The following PTPRD variants were observed in gnomAD, a reference collection of about 807,000 sequenced individuals.
PTPRD encodes receptor-type tyrosine-protein phosphatase delta.
PTPRD carries 34 observed loss-of-function variants against 214.5 expected under a neutral mutation model. The ratio of observed to expected loss-of-function variants is 0.16; its 90% CI spans 0.12 to 0.21. The LOEUF (loss-of-function observed/expected upper bound fraction) is 0.21, where lower values mean the gene tolerates loss of function less well. Ranked by LOEUF, PTPRD falls within the 10% of genes least tolerant of loss-of-function variation. PTPRD has a pLI of 1.00. For synonymous variants in PTPRD, 1,128 were observed against 845.7 expected (o/e 1.33, Z -5.79); for missense variants, 2,545 against 2,398.7 (o/e 1.06, Z -1.27).
intron 33 of PTPRD, among the ~76,000 whole-genome samples, chr9:8,453,356 T>G (rs3927454): frequency 0.65 from 98,892 of 151,512 alleles, 32,719 homozygotes; most frequent in East Asian, 0.87. Context: ...AGTAGAGATG[T>G]GGTTTCGCCG....
chr9:10,193,238 TA>T (rs1475935083), intron 3 of PTPRD, among the ~76,000 whole-genome samples: 1 of 152,190 alleles, frequency 6.6e-6, no homozygotes, highest in Non-Finnish European at 1.5e-5. Flanking sequence ...AGGTTTTACA[TA>T]AGTTACATTT....
At chr9:9,043,904 AAAAAT>A (rs34743506) in intron 10 of PTPRD, among the ~76,000 whole-genome samples, 68,034 of 136,662 alleles carry the variant, frequency 0.5, 17,574 homozygotes, top group Admixed American at 0.56. Flanking sequence ...ACCCTGTCTC[AAAAAT>A]AAAATAAAAT....
chr9:9,210,015 G>T lies in PTPRD; in HGVS notation c.-202-26652C>A, dbSNP rs539292267. ...ATCACGCAGTAGATTTGTGTCCTAA[G>T]CTAAGGTAGCACAAATCTTTTATAA... On this transcript the variant is annotated intron_variant, in intron 9 of 45. Transcript: ENST00000381196. Among the ~76,000 whole-genome samples, 28 of 152,264 alleles carry T rather than the reference G, an allele frequency of 1.8e-4. No individual in the cohort carries two copies. The South Asian group carries it at 4.8e-3, about 26-fold the overall frequency.
chr9:8,580,517 C>A lies in PTPRD; in HGVS notation c.353-51738G>T, dbSNP rs182705842. On this transcript the variant is annotated intron_variant, in intron 14 of 45. Transcript: ENST00000381196. Reference sequence around the variant, plus strand: ...GACTTTTTATTTTTGAAAGTGAATACAGCACCTGAATGTAAAGATACCAAA... The same window carrying A: ...GACTTTTTATTTTTGAAAGTGAATAAAGCACCTGAATGTAAAGATACCAAA... Among the ~76,000 whole-genome samples the A allele has an allele frequency of 1.4e-4, 21 of 152,262 alleles. 1 individual carries two copies. The highest frequency in any genetic ancestry group is 5.1e-4 in the African/African-American group (21 of 41,534).
In PTPRD at chr9:8,460,427, T is replaced by G. The variant is rs193138542; in HGVS notation, c.3859A>C (p.Ile1287Leu). 1 of 1,611,942 alleles carries G rather than the reference T, an allele frequency of 6.2e-7. No individual in the cohort carries two copies. The highest frequency in any genetic ancestry group is 1.7e-5 in the Admixed American group (1 of 59,712). ...VVFIICIVIA[I>L]LLYKRKRAES... ...CAAACCTACCTTTTATAAAGAAGAATAGCAATGACAATGCAGATGATAAAG... is the reference window on the plus strand; with the variant it reads ...CAAACCTACCTTTTATAAAGAAGAAGAGCAATGACAATGCAGATGATAAAG... The change falls in exon 33 of 46, where the codon ATT becomes CTT. Residue 1287 changes from isoleucine to leucine, a missense_variant. Physicochemically the swap from Ile to Leu is conservative, Grantham distance 5. Coordinates refer to ENST00000381196, the MANE Select transcript of PTPRD (RefSeq NM_002839.4).
intron 11 of PTPRD, among the ~76,000 whole-genome samples, chr9:8,956,316 A>G (rs1026243123): frequency 6.6e-6 from 1 of 151,940 alleles, no homozygotes; most frequent in Non-Finnish European, 1.5e-5. Context: ...AAGGAAAGAA[A>G]AAAGAAAAAT....
chr9:8,873,904 A>G (rs1587070146), intron 11 of PTPRD, among the ~76,000 whole-genome samples: 1 of 152,162 alleles, frequency 6.6e-6, no homozygotes, highest in East Asian at 1.9e-4. Context: ...GTAATGGTGC[A>G]TTTGTGCACC....
intron 7 of PTPRD, among the ~76,000 whole-genome samples, chr9:9,714,192 A>T (rs2097780757): frequency 6.6e-6 from 1 of 151,776 alleles, no homozygotes; most frequent in African/African-American, 2.4e-5. Context: ...TTTACTCTTA[A>T]TTGATTTATA....
At chr9:8,651,152 T>A (rs1032334590) in intron 12 of PTPRD, among the ~76,000 whole-genome samples, 1 of 152,220 alleles carries the variant, frequency 6.6e-6, no homozygotes, top group African/African-American at 2.4e-5. Context: ...GAATCTATAT[T>A]CATATATGCA....
At chr9:9,546,760 T>C (rs1169393307) in intron 8 of PTPRD, among the ~76,000 whole-genome samples, 1 of 151,876 alleles carries the variant, frequency 6.6e-6, no homozygotes, top group Non-Finnish European at 1.5e-5. Flanking sequence ...GTGCTTTATA[T>C]GCATTATGTT....
chr9:8,685,742 G>A (rs1288206960), intron 12 of PTPRD, among the ~76,000 whole-genome samples: 1 of 152,198 alleles, frequency 6.6e-6, no homozygotes, highest in African/African-American at 2.4e-5. Context: ...AGAGGTACAG[G>A]CCGATATTAA....
At chr9:9,459,794 G>A (rs1340746924) in intron 8 of PTPRD, among the ~76,000 whole-genome samples, 1 of 151,886 alleles carries the variant, frequency 6.6e-6, no homozygotes, top group Admixed American at 6.6e-5. Flanking sequence ...GATTAAATAT[G>A]ATCCCTATCA....
chr9:9,535,726 G>A (rs2076376731), intron 8 of PTPRD, among the ~76,000 whole-genome samples: 2 of 152,012 alleles, frequency 1.3e-5, no homozygotes, highest in Non-Finnish European at 2.9e-5. Flanking sequence ...AAAGGGCCTG[G>A]AAGTGTTACA....
chr9:8,502,575 T>A (rs2097433852), intron 23 of PTPRD, among the ~76,000 whole-genome samples: 1 of 152,148 alleles, frequency 6.6e-6, no homozygotes, highest in Non-Finnish European at 1.5e-5. Flanking sequence ...TCATTTTTAT[T>A]GATTCTGACT....
chr9:9,461,700 A>T (rs1318173267), intron 8 of PTPRD, among the ~76,000 whole-genome samples: 1 of 152,116 alleles, frequency 6.6e-6, no homozygotes, highest in Non-Finnish European at 1.5e-5. Context: ...GCCTCACAAA[A>T]ATTGTTCATA....
At chr9:10,011,840 A>G (rs2096606434) in intron 4 of PTPRD, among the ~76,000 whole-genome samples, 1 of 151,992 alleles carries the variant, frequency 6.6e-6, no homozygotes, top group South Asian at 2.1e-4. Context: ...AATGGATTGT[A>G]TTTAATCAGT....
At position 8,930,632 on chromosome 9, in the gene PTPRD, T is replaced by C. The variant is rs533037802; in HGVS notation, c.-104+88065A>G. ...ATCCTCTCCAGCACCTGTTGTTTCC[T>C]GACTTTTTAATGATCACCATTCTAA... On this transcript the variant is annotated intron_variant, in intron 11 of 45. Coordinates refer to ENST00000381196, the MANE Select transcript of PTPRD (RefSeq NM_002839.4). Among the ~76,000 whole-genome samples, 110 of 152,324 alleles carry C rather than the reference T, an allele frequency of 7.2e-4. 1 individual carries two copies. The highest frequency in any genetic ancestry group is 2.6e-3 in the African/African-American group (108 of 41,556).
chr9:10,140,201 T>A (rs976896521), intron 3 of PTPRD, among the ~76,000 whole-genome samples: 15 of 151,600 alleles, frequency 9.9e-5, no homozygotes, highest in African/African-American at 3.4e-4. Flanking sequence ...AACCCCAATA[T>A]CCAGAATCTA....
At chr9:9,235,658 A>G (rs1186371132) in intron 9 of PTPRD, among the ~76,000 whole-genome samples, 1 of 152,180 alleles carries the variant, frequency 6.6e-6, no homozygotes, top group Non-Finnish European at 1.5e-5. Flanking sequence ...TACTGGTGTT[A>G]TTCTCAGACA....
Sources: gnomAD v4.1 joint callset for allele counts (sites outside exome capture counted in the v4.1 genomes callset) on GRCh38, gnomAD v4.1.1 for gene constraint, MANE v1.5 for transcripts, NCBI Gene and HGNC (gene_info 2026-07-23, HGNC 2026-07-21) for gene names.